KCND2: variants seen among roughly 807,000 people sequenced by gnomAD.
KCND2 encodes the protein potassium voltage-gated channel subfamily D member 2, also known as A-type voltage-gated potassium channel KCND2.
In KCND2, 16 loss-of-function variants were observed where a neutral mutation model predicts 54.4. The ratio of observed to expected loss-of-function variants is 0.29; its 90% confidence interval spans 0.20 to 0.45. The LOEUF (loss-of-function observed/expected upper bound fraction) is 0.45, where lower values mean the gene tolerates loss of function less well. KCND2 is among the 20% of genes least tolerant of loss of function. The pLI, the probability that KCND2 is intolerant of heterozygous loss-of-function variation, is 1.00. For missense variants in KCND2, 486 were observed against 824.2 expected (o/e 0.59, Z 5.02); for synonymous variants, 317 against 310.7 (o/e 1.02, Z -0.21).
chr7:120,504,817 G>GT (rs1455583152), intron 1 of KCND2, among the ~76,000 whole-genome samples: 1 of 151,466 alleles, frequency 6.6e-6, no homozygotes, highest in African/African-American at 2.4e-5. Flanking sequence ...TGTACCTGTG[G>GT]TAAGTTTTTG....
intron 1 of KCND2, among the ~76,000 whole-genome samples, chr7:120,610,590 G>A (rs1308441202): frequency 6.6e-6 from 1 of 152,070 alleles, no homozygotes; most frequent in Non-Finnish European, 1.5e-5. Context: ...TCCATGAGAT[G>A]CCTGTACTGC....
chr7:120,420,437 T>C (rs866895448), intron 1 of KCND2, among the ~76,000 whole-genome samples: 1 of 152,074 alleles, frequency 6.6e-6, no homozygotes, highest in African/African-American at 2.4e-5. Flanking sequence ...TAGGTCTTGA[T>C]AGAGAGGGAA....
chr7:120,596,696 A>G (rs940154433), intron 1 of KCND2, among the ~76,000 whole-genome samples: 1 of 151,576 alleles, frequency 6.6e-6, no homozygotes, highest in Non-Finnish European at 1.5e-5. Context: ...ATAGTACCTG[A>G]TAAATATTTA....
intron 1 of KCND2, among the ~76,000 whole-genome samples, chr7:120,629,559 T>C (rs1562892590): frequency 6.6e-6 from 1 of 152,166 alleles, no homozygotes. Context: ...CGAGGAACTG[T>C]TGATTTTATT....
chr7:120,700,000 G>A (rs1472514857), intron 1 of KCND2, among the ~76,000 whole-genome samples: 1 of 152,184 alleles, frequency 6.6e-6, no homozygotes, highest in Non-Finnish European at 1.5e-5. Context: ...AGAATAGGGT[G>A]TGGCTGCTAA....
intron 1 of KCND2, among the ~76,000 whole-genome samples, chr7:120,726,791 A>G (rs750720427): frequency 6.6e-6 from 1 of 152,244 alleles, no homozygotes; most frequent in Non-Finnish European, 1.5e-5. Context: ...TACAATGTAC[A>G]GAATGCTCCT....
chr7:120,424,610 T>C (rs1584773238), intron 1 of KCND2, among the ~76,000 whole-genome samples: 1 of 152,224 alleles, frequency 6.6e-6, no homozygotes, highest in African/African-American at 2.4e-5. Flanking sequence ...GTAGAGTTTC[T>C]TGAAGTGTCT....
At chr7:120,457,147 G>A (rs1391929124) in intron 1 of KCND2, among the ~76,000 whole-genome samples, 2 of 152,290 alleles carry the variant, frequency 1.3e-5, no homozygotes, top group East Asian at 3.9e-4. Flanking sequence ...GGATCCCCGG[G>A]CCTGGCCCAG....
chr7:120,541,953 GT>G (rs1791984769), intron 1 of KCND2, among the ~76,000 whole-genome samples: 3 of 152,006 alleles, frequency 2.0e-5, no homozygotes, highest in Non-Finnish European at 4.4e-5. Context: ...TGTTCTGAAT[GT>G]TTACATTAAA....
At chr7:120,620,636 TAAG>T in intron 1 of KCND2, among the ~76,000 whole-genome samples, 1 of 152,298 alleles carries the variant, frequency 6.6e-6, no homozygotes, top group East Asian at 1.9e-4. Flanking sequence ...TCTCCATTGA[TAAG>T]AAGAGGAAGA....
rs770840165 is a variant in KCND2, at chr7:120,648,161, G to A, written c.1116-84742G>A. 5.3e-5 allele frequency among the ~76,000 whole-genome samples: 8 copies of A among 152,026 alleles called. No homozygotes were observed. In the East Asian group the frequency reaches 5.8e-4, roughly 11 times the overall value. Reference sequence around the variant, plus strand: ...TTGTTCTTTAATATTTTGTCCCCACGGAGAGAGATGGAAAAACCTAATGGC... The same window carrying A: ...TTGTTCTTTAATATTTTGTCCCCACAGAGAGAGATGGAAAAACCTAATGGC... On this transcript the variant is annotated intron_variant, in intron 1 of 5. Coordinates refer to ENST00000331113, the MANE Select transcript of KCND2 (RefSeq NM_012281.3).
At chr7:120,503,725 A>G (rs1474854496) in intron 1 of KCND2, among the ~76,000 whole-genome samples, 1 of 151,984 alleles carries the variant, frequency 6.6e-6, no homozygotes, top group East Asian at 1.9e-4. Flanking sequence ...TAAAACTAAA[A>G]AGATTCTAGA....
intron 1 of KCND2, among the ~76,000 whole-genome samples, chr7:120,544,443 T>G (rs1188843659): frequency 6.6e-6 from 1 of 151,984 alleles, no homozygotes; most frequent in African/African-American, 2.4e-5. Context: ...ATCACTAAAA[T>G]ATTTATTTTA....
chr7:120,435,311 C>CA, intron 1 of KCND2, among the ~76,000 whole-genome samples: 2 of 147,058 alleles, frequency 1.4e-5, no homozygotes, highest in Middle Eastern at 7.0e-3. Flanking sequence ...GACAGGGTTT[C>CA]AACAAGTTGG....
At chr7:120,501,793 G>A (rs1409541384) in intron 1 of KCND2, among the ~76,000 whole-genome samples, 4 of 151,918 alleles carry the variant, frequency 2.6e-5, no homozygotes, top group African/African-American at 9.7e-5. Flanking sequence ...ATTTCGCACT[G>A]TATTCCCCTG....
chr7:120,643,144 T>C (rs940144957), intron 1 of KCND2, among the ~76,000 whole-genome samples: 1 of 152,218 alleles, frequency 6.6e-6, no homozygotes, highest in African/African-American at 2.4e-5. Flanking sequence ...AATAAGGTGC[T>C]ATTTTTCTAA....
chr7:120,412,976 A>G (rs1417495895), intron 1 of KCND2, among the ~76,000 whole-genome samples: 1 of 152,058 alleles, frequency 6.6e-6, no homozygotes, highest in African/African-American at 2.4e-5. Flanking sequence ...GTTAAACACA[A>G]ATTCTCAGCT....
intron 1 of KCND2, among the ~76,000 whole-genome samples, chr7:120,728,807 A>G (rs997661908): frequency 2.6e-5 from 4 of 152,132 alleles, no homozygotes; most frequent in African/African-American, 9.6e-5. Flanking sequence ...AATGAAATAA[A>G]TAATCCTACT....
chr7:120,692,455 A>AT (rs1225315152), intron 1 of KCND2, among the ~76,000 whole-genome samples: 2 of 152,146 alleles, frequency 1.3e-5, no homozygotes, highest in Admixed American at 1.3e-4. Flanking sequence ...ATGACAGAAA[A>AT]TGTTAAACTA....
Sources: allele counts gnomAD v4.1 joint callset (sites outside exome capture counted in the v4.1 genomes callset), GRCh38; gene constraint gnomAD v4.1.1; transcripts MANE v1.5; gene names NCBI Gene and HGNC (gene_info 2026-07-23, HGNC 2026-07-21).